The following TBL1XR1 variants were observed in gnomAD, a reference collection of about 807,000 sequenced individuals.
TBL1XR1 encodes F-box-like/WD repeat-containing protein TBL1XR1.
Under a neutral mutation model 66.9 loss-of-function variants are expected in TBL1XR1, and 5 were observed. The observed-to-expected ratio is 0.07, with a 90% CI of 0.04 to 0.16. TBL1XR1 has a LOEUF of 0.16. Ranked by LOEUF, TBL1XR1 falls within the 10% of genes least tolerant of loss-of-function variation. The pLI, the probability that TBL1XR1 is intolerant of heterozygous loss-of-function variation, is 1.00. For synonymous variants in TBL1XR1, 210 were observed against 206.0 expected, an observed-to-expected ratio of 1.02 and a Z score of -0.17; for missense variants, 238 against 623.2, an observed-to-expected ratio of 0.38 and a Z score of 6.58.
chr3:177,128,610 G>A (rs146132265), intron 1 of TBL1XR1, among the ~76,000 whole-genome samples: 4 of 152,306 alleles, frequency 2.6e-5, no homozygotes, highest in African/African-American at 7.2e-5. Context: ...CTGAGCTCAA[G>A]CAATCTGCCC....
At chr3:177,086,359 C>T (rs1341329956) in intron 2 of TBL1XR1, among the ~76,000 whole-genome samples, 2 of 151,834 alleles carry the variant, frequency 1.3e-5, no homozygotes, top group African/African-American at 2.4e-5. Context: ...AAGTGTTCAA[C>T]AGCTACGTAT....
At chr3:177,110,403 C>T (rs1406177317) in intron 1 of TBL1XR1, among the ~76,000 whole-genome samples, 5 of 152,196 alleles carry the variant, frequency 3.3e-5, no homozygotes, top group Admixed American at 2.6e-4. Flanking sequence ...TAGGGCTATA[C>T]ACCCACCATT....
Position 177,188,966 on chromosome 3 carries a change from G to A in TBL1XR1, c.-122+8155C>T, listed in dbSNP as rs575963845. Among the ~76,000 whole-genome samples, 67 of 152,258 alleles carry A rather than the reference G, an allele frequency of 4.4e-4. 1 individual carries two copies. Among genetic ancestry groups the A allele is most frequent in the Middle Eastern group, 3.4e-3 (1 of 292 alleles). ...CTCACGCCTGTAATCCCAGCACTTG[G>A]GGAGGCCGAGGCGGGTGGATCACGA... is the stretch of plus-strand genomic sequence containing the variant. On this transcript the variant is annotated intron_variant, in intron 1 of 15. Transcript: ENST00000457928.
intron 1 of TBL1XR1, among the ~76,000 whole-genome samples, chr3:177,105,235 A>G (rs530162936): frequency 2.5e-4 from 38 of 152,382 alleles, no homozygotes; most frequent in African/African-American, 6.7e-4. Flanking sequence ...TTAATGGTGT[A>G]ACTTACAGTG....
At chr3:177,114,677 GAAA>G (rs898352775) in intron 1 of TBL1XR1, among the ~76,000 whole-genome samples, 15 of 143,452 alleles carry the variant, frequency 1.0e-4, no homozygotes, top group Admixed American at 3.5e-4. Context: ...AAATTAAAAA[GAAA>G]AAAAAAAAAG....
intron 1 of TBL1XR1, among the ~76,000 whole-genome samples, chr3:177,175,289 C>T (rs1418550969): frequency 1.3e-5 from 2 of 151,858 alleles, no homozygotes; most frequent in Admixed American, 1.3e-4. Flanking sequence ...AGGAATCATA[C>T]CATGAAAATA....
chr3:177,130,557 C>T (rs1430180544), intron 1 of TBL1XR1, among the ~76,000 whole-genome samples: 2 of 152,154 alleles, frequency 1.3e-5, no homozygotes, highest in Non-Finnish European at 2.9e-5. Flanking sequence ...TGGAAGGACA[C>T]ATAAAAAACT....
At position 177,020,923 on chromosome 3, in the gene TBL1XR1, AC is replaced by A. The variant is rs1712266214; in HGVS notation, c.*4574del. On this transcript the variant is annotated 3_prime_UTR_variant, in exon 16 of 16. Coordinates refer to ENST00000457928, the MANE Select transcript of TBL1XR1 (RefSeq NM_024665.7). ...AATCATTGTGATGTGGAACTAAAAT[AC>A]GTCGTAAGTGTAATTAACATGGTCC... The A allele has an allele frequency of 6.6e-6, 1 of 152,202 alleles. No individual in the cohort carries two copies. The highest frequency in any genetic ancestry group is 1.5e-5 in the Non-Finnish European group (1 of 68,006). The allele number at this position is 152,202 out of a possible 1,614,324, so 9.4% of individuals were successfully genotyped here. A position where few individuals can be genotyped will look rare whatever the true frequency, so the allele number is the denominator to read the frequency against.
chr3:177,112,123 T>TTTTTTTTTTG, intron 1 of TBL1XR1, among the ~76,000 whole-genome samples: 1 of 106,552 alleles, frequency 9.4e-6, no homozygotes, highest in Non-Finnish European at 2.0e-5. Context: ...TTTTTTTTTT[T>TTTTTTTTTTG]TTGTGAGGGG....
chr3:177,111,853 T>G (rs1263099725), intron 1 of TBL1XR1, among the ~76,000 whole-genome samples: 2 of 151,450 alleles, frequency 1.3e-5, no homozygotes, highest in Non-Finnish European at 2.9e-5. Flanking sequence ...CCTTTTACAA[T>G]GCACCTGGGT....
chr3:177,166,932 G>GT, intron 1 of TBL1XR1, among the ~76,000 whole-genome samples: 1 of 152,316 alleles, frequency 6.6e-6, no homozygotes, highest in South Asian at 2.1e-4. Context: ...TTGGGAGACA[G>GT]TTTAACACTT....
At chr3:177,130,673 A>G (rs1252459506) in intron 1 of TBL1XR1, among the ~76,000 whole-genome samples, 1 of 152,158 alleles carries the variant, frequency 6.6e-6, no homozygotes, top group Non-Finnish European at 1.5e-5. Context: ...TGAACCATAT[A>G]AAATGCTCAA....
chr3:177,113,216 CA>C (rs141967053), intron 1 of TBL1XR1, among the ~76,000 whole-genome samples: 9 of 151,250 alleles, frequency 6.0e-5, no homozygotes, highest in African/African-American at 9.7e-5. Context: ...AAAAATTAAA[CA>C]AAAAAAATGG....
intron 2 of TBL1XR1, among the ~76,000 whole-genome samples, chr3:177,080,631 A>AG (rs1489334029): frequency 6.6e-6 from 1 of 151,864 alleles, no homozygotes; most frequent in Non-Finnish European, 1.5e-5. Flanking sequence ...AAAAATATAT[A>AG]TTTTTTTTCA....
chr3:177,197,848 C>A (rs1412084983), upstream of TBL1XR1, among the ~76,000 whole-genome samples: 1 of 147,954 alleles, frequency 6.8e-6, no homozygotes, highest in Non-Finnish European at 1.5e-5. Flanking sequence ...CCCGGGCCGC[C>A]CGCCCCGCCC....
At chr3:177,132,823 G>A (rs531937836) in intron 1 of TBL1XR1, among the ~76,000 whole-genome samples, 2 of 152,182 alleles carry the variant, frequency 1.3e-5, no homozygotes, top group African/African-American at 4.8e-5. Context: ...AGGCAGGCAG[G>A]GGCAGATCAC....
rs1357084578 is a variant in TBL1XR1, at chr3:177,197,257, C to T, written c.-258G>A. 6.6e-6 allele frequency: 1 copy of T among 151,532 alleles called. No homozygotes were observed. The highest frequency in any genetic ancestry group is 1.9e-4 in the East Asian group (1 of 5,142). 9.4% of individuals were successfully genotyped at this position (151,532 alleles called of 1,614,324 possible). On this transcript the variant is annotated 5_prime_UTR_variant, in exon 1 of 16. Coordinates refer to ENST00000457928, the MANE Select transcript of TBL1XR1 (RefSeq NM_024665.7). ...TCCGGGGGGTGAGAGGCAATTATAA[C>T]CCCAGCGAGCGGAGGGCGCGGGGGA...
intron 3 of TBL1XR1, among the ~76,000 whole-genome samples, chr3:177,060,809 G>A (rs1164270081): frequency 6.6e-6 from 1 of 152,186 alleles, no homozygotes; most frequent in East Asian, 1.9e-4. Flanking sequence ...ATCTGCATAT[G>A]GTTGCTAGAT....
intron 1 of TBL1XR1, among the ~76,000 whole-genome samples, chr3:177,196,711 G>C (rs1736903675): frequency 6.8e-6 from 1 of 146,178 alleles, no homozygotes; most frequent in South Asian, 2.2e-4. Flanking sequence ...GATTCAATTT[G>C]CTGCAAATCC....
Sources: gnomAD v4.1 joint callset for allele counts (sites outside exome capture counted in the v4.1 genomes callset) on GRCh38, gnomAD v4.1.1 for gene constraint, MANE v1.5 for transcripts, NCBI Gene and HGNC (gene_info 2026-07-23, HGNC 2026-07-21) for gene names.